The following TOR3A variants were observed in gnomAD, a reference collection of about 807,000 sequenced individuals.
TOR3A encodes torsin-3A.
Under a neutral mutation model 42.1 loss-of-function variants are expected in TOR3A, and 44 were observed. That is an observed-to-expected ratio of 1.04 (90% CI 0.82 to 1.34). The LOEUF is 1.34. Among genes scored for constraint, TOR3A ranks in the 40% most tolerant of loss-of-function variants. The probability of loss-of-function intolerance (pLI) is 0.00; values close to 1 mark genes in which losing one functional copy is unlikely to be tolerated. For missense variants in TOR3A, 521 were observed against 507.6 expected (o/e 1.03, Z -0.25); for synonymous variants, 227 against 213.2 (o/e 1.06, Z -0.57).
intron 4 of TOR3A, among the ~76,000 whole-genome samples, chr1:179,089,141 C>T (rs540085723): frequency 9.7e-4 from 147 of 152,014 alleles, no homozygotes; most frequent in Middle Eastern, 3.4e-3. Flanking sequence ...AGGGTCCAGG[C>T]GCAGTGGCCT....
intron 4 of TOR3A, among the ~76,000 whole-genome samples, chr1:179,090,473 G>A (rs1327947286): frequency 1.3e-5 from 2 of 152,326 alleles, no homozygotes; most frequent in Admixed American, 1.3e-4. Flanking sequence ...AGGATTCTAG[G>A]GCATGAAAGA....
At chr1:179,086,175 A>T (rs913319777) in intron 3 of TOR3A, among the ~76,000 whole-genome samples, 8 of 152,226 alleles carry the variant, frequency 5.3e-5, no homozygotes, top group Non-Finnish European at 1.0e-4. Context: ...TTTGTTGTAG[A>T]AGTAGTGAAA....
intron 3 of TOR3A, 70 bp from the exon 4 acceptor site, chr1:179,087,841 A>G: frequency 6.9e-7 from 1 of 1,458,584 alleles, no homozygotes; most frequent in Non-Finnish European, 9.1e-7. Context: ...TGCCCAGGGG[A>G]AACCACGCCC....
chr1:179,086,874 CTTTGT>C (rs1652451945), intron 3 of TOR3A, among the ~76,000 whole-genome samples: 1 of 152,160 alleles, frequency 6.6e-6, no homozygotes. Flanking sequence ...CTGTCTTTGG[CTTTGT>C]TTTAATATTT....
chr1:179,095,258 T>C lies in TOR3A; in HGVS notation c.*40T>C. On this transcript the variant is annotated 3_prime_UTR_variant, in exon 6 of 6. Coordinates refer to ENST00000367627, the MANE Select transcript of TOR3A (RefSeq NM_022371.4). ...CTTCCTGGAACTGCCTTTCTTCCAC[T>C]AACAGGACCCTGGGACCTGTAGGAG... 6.2e-7 allele frequency: 1 copy of C among 1,610,528 alleles called. No individual in the cohort carries two copies. The highest frequency in any genetic ancestry group is 2.2e-5 in the East Asian group (1 of 44,866).
At chr1:179,090,799 G>A (rs879480955) in intron 4 of TOR3A, among the ~76,000 whole-genome samples, 12 of 152,366 alleles carry the variant, frequency 7.9e-5, no homozygotes, top group East Asian at 1.9e-4. Flanking sequence ...GGACAGGAAC[G>A]TGGAACTCTG....
At chr1:179,092,684 T>TA (rs1652622797) in intron 4 of TOR3A, among the ~76,000 whole-genome samples, 3 of 152,186 alleles carry the variant, frequency 2.0e-5, no homozygotes, top group South Asian at 4.2e-4. Flanking sequence ...CTGTCTCTAC[T>TA]AAAAAAATTA....
chr1:179,086,893 A>G (rs1652452079), intron 3 of TOR3A, among the ~76,000 whole-genome samples: 1 of 152,176 alleles, frequency 6.6e-6, no homozygotes, highest in African/African-American at 2.4e-5. Context: ...AATATTTGGA[A>G]TGTGTTCACC....
chr1:179,088,945 C>G (rs1008014933), intron 4 of TOR3A, among the ~76,000 whole-genome samples: 5 of 152,158 alleles, frequency 3.3e-5, no homozygotes, highest in African/African-American at 1.2e-4. Flanking sequence ...TCCGGCCTCG[C>G]CTTCCCCAGG....
intron 4 of TOR3A, among the ~76,000 whole-genome samples, chr1:179,089,321 C>CA (rs11311033): frequency 0.17 from 21,817 of 130,592 alleles, 1,837 homozygotes; most frequent in East Asian, 0.25. Flanking sequence ...GACTCCATCT[C>CA]AAAAAAAAAA....
At chr1:179,089,621 A>G (rs1368886007) in intron 4 of TOR3A, among the ~76,000 whole-genome samples, 2 of 152,158 alleles carry the variant, frequency 1.3e-5, no homozygotes, top group Non-Finnish European at 2.9e-5. Context: ...CTCCTGTTAC[A>G]GAGAGTCAGG....
At position 179,082,377 on chromosome 1, in the gene TOR3A, G is replaced by C; in HGVS notation, c.249G>C (p.Thr83=). 2 of 1,604,062 alleles carry C rather than the reference G, an allele frequency of 1.2e-6. No homozygotes were observed. Among genetic ancestry groups the C allele is most frequent in the Non-Finnish European group, 1.7e-6 (2 of 1,176,764 alleles). The change falls in exon 1 of 6, where the codon ACG becomes ACC. Residue 83 remains threonine, a synonymous_variant. Coordinates refer to ENST00000367627, the MANE Select transcript of TOR3A (RefSeq NM_022371.4). ...DDCDEDEEAA[T]GPLGWRLPLL... is the part of the protein sequence containing the mutation. Reference sequence around the variant, plus strand: ...GTGACGAGGACGAGGAGGCAGCCACGGGGCCCCTGGGTAAGACCCCGTCCC... The same window carrying C: ...GTGACGAGGACGAGGAGGCAGCCACCGGGCCCCTGGGTAAGACCCCGTCCC...
At chr1:179,088,146 C>T in intron 4 of TOR3A, 57 bp downstream of exon 4, 1 of 1,479,630 alleles carries the variant, frequency 6.8e-7, no homozygotes. Context: ...TACTAGCTGG[C>T]AGTGGAGGCT....
At chr1:179,084,520 A>T (rs966960429) in intron 2 of TOR3A, among the ~76,000 whole-genome samples, 5 of 152,320 alleles carry the variant, frequency 3.3e-5, no homozygotes, top group African/African-American at 1.2e-4. Context: ...CACCTCGCCC[A>T]GCCAGTTTCC....
chr1:179,094,516 G>A (rs903922523), intron 5 of TOR3A, among the ~76,000 whole-genome samples: 12 of 152,206 alleles, frequency 7.9e-5, no homozygotes, highest in Non-Finnish European at 1.8e-4. Flanking sequence ...AGACACAGCT[G>A]TAGAGTTCTT....
In TOR3A at chr1:179,095,866, C is replaced by T. The variant is rs188074896; in HGVS notation, c.*648C>T. ...GAGGAAGATATTTTACAAACCAGGTCAGTGTAGGCCAAGACTTATGGTCTA... is the reference window on the plus strand; with the variant it reads ...GAGGAAGATATTTTACAAACCAGGTTAGTGTAGGCCAAGACTTATGGTCTA... On this transcript the variant is annotated 3_prime_UTR_variant, in exon 6 of 6. Transcript: ENST00000367627. The T allele has an allele frequency of 3.1e-5, 30 of 983,576 alleles. No individual in the cohort carries two copies. Among genetic ancestry groups the T allele is most frequent in the Non-Finnish European group, 3.6e-5 (30 of 830,060 alleles). 60.9% of individuals were successfully genotyped at this position (983,576 alleles called of 1,614,324 possible).
rs773200590 is a variant in TOR3A, at chr1:179,095,099, AAAG to A, written c.1080_1082del (p.Glu361del). The A allele has an allele frequency of 5.6e-6, 9 of 1,614,214 alleles. No homozygotes were observed. Among genetic ancestry groups the A allele is most frequent in the South Asian group, 5.5e-5 (5 of 91,082 alleles). ...CTTCCTGAGCCAGGAGCTCCTGTATAAAGAAGAGACACTGGATGAAATAGCCCA... is the reference window on the plus strand; with the variant it reads ...CTTCCTGAGCCAGGAGCTCCTGTATAAAGAGACACTGGATGAAATAGCCCA... On this transcript the variant is annotated inframe_deletion, in exon 6 of 6. Coordinates refer to ENST00000367627, the MANE Select transcript of TOR3A (RefSeq NM_022371.4).
Position 179,095,620 on chromosome 1 carries a change from A to G in TOR3A, c.*402A>G. On this transcript the variant is annotated 3_prime_UTR_variant, in exon 6 of 6. Transcript: ENST00000367627. ...CTCCAGATGGTCTCCTTAGCATCTC[A>G]GCTCTTCTGCAAGGAAGAGCTTGGG... is the stretch of plus-strand genomic sequence containing the variant. 1.9e-6 allele frequency: 2 copies of G among 1,046,068 alleles called. No homozygotes were observed. Among genetic ancestry groups the G allele is most frequent in the Non-Finnish European group, 2.3e-6 (2 of 867,726 alleles). 64.8% of individuals were successfully genotyped at this position (1,046,068 alleles called of 1,614,324 possible).
intron 4 of TOR3A, among the ~76,000 whole-genome samples, chr1:179,089,891 C>T (rs538280674): frequency 8.5e-5 from 13 of 152,254 alleles, no homozygotes; most frequent in South Asian, 4.2e-4. Flanking sequence ...CAGGTGGTGC[C>T]GGCCACACAG....
Sources: gnomAD v4.1 joint callset for allele counts (sites outside exome capture counted in the v4.1 genomes callset) on GRCh38, gnomAD v4.1.1 for gene constraint, MANE v1.5 for transcripts, NCBI Gene and HGNC (gene_info 2026-07-23, HGNC 2026-07-21) for gene names.